Variants in PRRC2B observed in about 807,000 individuals in gnomAD.
PRRC2B encodes the protein proline rich coiled-coil 2B, also known as protein PRRC2B.
A neutral mutation model predicts 242.3 loss-of-function variants in PRRC2B; 68 were observed. The ratio of observed to expected loss-of-function variants is 0.28; its 90% CI spans 0.23 to 0.34. The LOEUF (loss-of-function observed/expected upper bound fraction) is 0.34. PRRC2B is among the 10% of genes least tolerant of loss of function. The probability of loss-of-function intolerance (pLI) is 1.00; values close to 1 mark genes in which losing one functional copy is unlikely to be tolerated. For missense variants in PRRC2B, 2,835 were observed against 2,954.8 expected (o/e 0.96, Z 0.94); for synonymous variants, 1,228 against 1,173.6 (o/e 1.05, Z -0.95).
rs1397305920 is a variant in PRRC2B, at chr9:131,436,739, C to T, written c.396+17C>T. On this transcript the variant is annotated intron_variant, in intron 4 of 31. Transcript: ENST00000683519. ...AGTCAGGAGGTAGGTGCTGGGACCC[C>T]ATCCCAACTGTTTCCTGGGCATGGT... is the stretch of plus-strand genomic sequence containing the variant. 1 of 1,593,976 alleles carries T rather than the reference C, an allele frequency of 6.3e-7. No homozygotes were observed.
intron 1 of PRRC2B, among the ~76,000 whole-genome samples, chr9:131,428,036 C>T (rs1478265597): frequency 6.6e-6 from 1 of 152,158 alleles, no homozygotes; most frequent in Non-Finnish European, 1.5e-5. Flanking sequence ...ATTCTTCTGC[C>T]TCAGCCTCCT....
chr9:131,464,376 A>G (rs1198441459), intron 11 of PRRC2B, among the ~76,000 whole-genome samples: 2 of 152,158 alleles, frequency 1.3e-5, no homozygotes, highest in Non-Finnish European at 2.9e-5. Flanking sequence ...AGGAATGATC[A>G]GTGTGTGGCT....
At chr9:131,459,108 A>T in intron 10 of PRRC2B, 56 bp from the exon 11 acceptor site, 1 of 1,526,090 alleles carries the variant, frequency 6.6e-7, no homozygotes, top group Non-Finnish European at 9.0e-7. Flanking sequence ...GACCAGTGAG[A>T]TCAGAAATGC....
At position 131,475,570 on chromosome 9, in the gene PRRC2B, C is replaced by G. The variant is rs200966997; in HGVS notation, c.3441C>G (p.Arg1147=). The change falls in exon 16 of 32, where the codon CGC becomes CGG. Residue 1147 remains arginine, a synonymous_variant. Coordinates refer to ENST00000683519, the MANE Select transcript of PRRC2B (RefSeq NM_013318.4). The part of the protein sequence containing the change: ...EGSEYEELPK[R]RRQRGSENGN... ...CAGAGTATGAAGAACTTCCCAAGCG[C>G]CGCCGGCAGAGGGGCTCCGAGAACG... is the stretch of plus-strand genomic sequence containing the variant. The G allele has an allele frequency of 1.1e-3, 1,733 of 1,612,874 alleles. 5 individuals carry two copies. Among genetic ancestry groups the G allele is most frequent in the Admixed American group, 5.2e-3 (313 of 59,994 alleles).
chr9:131,404,734 C>T (rs1018800030), intron 1 of PRRC2B, among the ~76,000 whole-genome samples: 1 of 152,240 alleles, frequency 6.6e-6, no homozygotes, highest in African/African-American at 2.4e-5. Context: ...GACAGCTACG[C>T]AGACGGATTA....
At position 131,484,106 on chromosome 9, in the gene PRRC2B, C is replaced by T. The variant is rs185783983; in HGVS notation, c.5461-580C>T. ...GCTGGGCTCTACGAGGTTCTTTACTCGAGAGTCTGCGGTCTCTGTCACATG... is the reference window on the plus strand; with the variant it reads ...GCTGGGCTCTACGAGGTTCTTTACTTGAGAGTCTGCGGTCTCTGTCACATG... On this transcript the variant is annotated intron_variant, in intron 23 of 31. Transcript: ENST00000683519. Among the ~76,000 whole-genome samples the T allele has an allele frequency of 3.0e-4, 46 of 152,300 alleles. 1 individual carries two copies. The East Asian group carries it at 5.6e-3, about 19-fold the overall frequency.
chr9:131,495,371 TG>T (rs1944303468), intron 31 of PRRC2B, among the ~76,000 whole-genome samples: 1 of 152,138 alleles, frequency 6.6e-6, no homozygotes, highest in East Asian at 1.9e-4. Context: ...TGGATCTACT[TG>T]AAGGGGCCTT....
At chr9:131,463,417 A>G (rs886470680) in intron 11 of PRRC2B, among the ~76,000 whole-genome samples, 2 of 152,076 alleles carry the variant, frequency 1.3e-5, no homozygotes, top group Non-Finnish European at 2.9e-5. Flanking sequence ...CTAGCATTCA[A>G]AATAGGAAGT....
At chr9:131,474,357 T>A in intron 15 of PRRC2B, 97 bp from the exon 16 acceptor site, 1 of 1,097,408 alleles carries the variant, frequency 9.1e-7, no homozygotes, top group Non-Finnish European at 1.3e-6. Context: ...TAGTTTTTGT[T>A]TTTGTTTTTT....
At position 131,484,934 on chromosome 9, in the gene PRRC2B, C is replaced by T. The variant is rs753143914; in HGVS notation, c.5566-14C>T. ...TAGTAATTTTCATCCCTCCCCCTCC[C>T]CTTGCTTCTGAAGATGGAGTCTGCG... On this transcript the variant is annotated splice_polypyrimidine_tract_variant and intron_variant, in intron 24 of 31. Coordinates refer to ENST00000683519, the MANE Select transcript of PRRC2B (RefSeq NM_013318.4). 1.7e-5 allele frequency: 27 copies of T among 1,600,812 alleles called. No homozygotes were observed. Among genetic ancestry groups the T allele is most frequent in the Non-Finnish European group, 2.1e-5 (25 of 1,169,848 alleles).
chr9:131,436,873 A>C (rs1042268195), intron 4 of PRRC2B, among the ~76,000 whole-genome samples, 151 bp downstream of exon 4: 1 of 152,110 alleles, frequency 6.6e-6, no homozygotes, highest in Non-Finnish European at 1.5e-5. Context: ...GACTTTAGAA[A>C]ACCGTCATGG....
At chr9:131,484,618 G>T in intron 23 of PRRC2B, 68 bp from the exon 24 acceptor site, 1 of 1,271,578 alleles carries the variant, frequency 7.9e-7, no homozygotes, top group South Asian at 1.4e-5. Flanking sequence ...GGAGAGCCAT[G>T]GATGGGTTTG....
At chr9:131,376,386 G>T (rs978849514) in intron 1 of PRRC2B, among the ~76,000 whole-genome samples, 13 of 151,074 alleles carry the variant, frequency 8.6e-5, no homozygotes, top group African/African-American at 3.2e-4. Flanking sequence ...ATGATAACAT[G>T]CATGTAGCAT....
chr9:131,447,763 G>A lies in PRRC2B; in HGVS notation c.1079G>A (p.Gly360Asp). 2 of 1,613,820 alleles carry A rather than the reference G, an allele frequency of 1.2e-6. No homozygotes were observed. Among genetic ancestry groups the A allele is most frequent in the Non-Finnish European group, 1.7e-6 (2 of 1,179,766 alleles). Reference protein sequence around the residue: ...PTIINAENLKGLDDLDADADD... With the variant: ...PTIINAENLKDLDDLDADADD... ...ATTATCAATGCGGAAAACCTGAAGG[G>A]CCTTGACGATCTGGACGCCGATGCC... Residue 360 changes from glycine to aspartate, a missense_variant, in exon 9 of 32, where the codon GGC (glycine) becomes GAC (aspartate). This residue lies in a region of PRRC2B where 626 missense variants were observed against 685.5 expected (regional missense o/e 0.91). Transcript: ENST00000683519.
Position 131,487,939 on chromosome 9 carries a change from C to T in PRRC2B, c.6068C>T (p.Ser2023Leu), listed in dbSNP as rs1041628845. The T allele has an allele frequency of 1.2e-6, 2 of 1,613,742 alleles. No individual in the cohort carries two copies. Among genetic ancestry groups the T allele is most frequent in the Non-Finnish European group, 1.7e-6 (2 of 1,179,776 alleles). ...GGCACAGCCTTGAAGCCTCCATACTCGGCGTTCCCAGGCATGCAGCCCTTG... is the reference window on the plus strand; with the variant it reads ...GGCACAGCCTTGAAGCCTCCATACTTGGCGTTCCCAGGCATGCAGCCCTTG... ...SGGTALKPPY[S>L]AFPGMQPLEM... is the part of the protein sequence containing the mutation. The change falls in exon 28 of 32, where the codon TCG becomes TTG. Residue 2023 changes from serine (S) to leucine (L), a missense_variant. By Grantham distance (145) the Ser-to-Leu change is moderately radical (BLOSUM62 -2). This residue lies in a region of PRRC2B where 574 missense variants were observed against 626.0 expected (regional missense o/e 0.92). Coordinates refer to ENST00000683519, the MANE Select transcript of PRRC2B (RefSeq NM_013318.4). The surrounding 1 kb of genome is among the most constrained non-coding windows in gnomAD (Gnocchi z 5.3).
At chr9:131,479,024 G>T (rs1029039939) in intron 18 of PRRC2B, among the ~76,000 whole-genome samples, 1 of 152,124 alleles carries the variant, frequency 6.6e-6, no homozygotes, top group Non-Finnish European at 1.5e-5. Flanking sequence ...AATGGAGTCA[G>T]GGCTGGACCT....
intron 23 of PRRC2B, among the ~76,000 whole-genome samples, 182 bp downstream of exon 23, chr9:131,483,627 G>GA: frequency 6.6e-6 from 1 of 152,318 alleles, no homozygotes; most frequent in South Asian, 2.1e-4. Context: ...TTCCAGTGGG[G>GA]ATCATACAGT....
intron 1 of PRRC2B, among the ~76,000 whole-genome samples, chr9:131,381,954 G>C (rs1008475732): frequency 6.6e-6 from 1 of 151,994 alleles, no homozygotes; most frequent in Non-Finnish European, 1.5e-5. Flanking sequence ...GGGCCAGGCT[G>C]GTCTTGAACT....
chr9:131,449,541 T>G (rs147206741), intron 9 of PRRC2B, among the ~76,000 whole-genome samples: 1 of 152,246 alleles, frequency 6.6e-6, no homozygotes, highest in Non-Finnish European at 1.5e-5. Context: ...CTAATGATGA[T>G]AAACACACTT....
Sources: allele counts gnomAD v4.1 joint callset (sites outside exome capture counted in the v4.1 genomes callset), GRCh38; gene constraint gnomAD v4.1.1; regional missense constraint gnomAD v4.1.1; non-coding constraint Gnocchi (gnomAD v3.1); transcripts MANE v1.5; gene names NCBI Gene and HGNC (gene_info 2026-07-23, HGNC 2026-07-21).